ASIC2: variants seen among roughly 807,000 people sequenced by gnomAD.
ASIC2 encodes the protein acid-sensing ion channel 2.
Under a neutral mutation model 57.3 loss-of-function variants are expected in ASIC2, and 25 were observed. The ratio of observed to expected loss-of-function variants is 0.44; its 90% CI spans 0.32 to 0.61. The LOEUF (loss-of-function observed/expected upper bound fraction) is 0.61. Ranked by LOEUF, ASIC2 falls within the 20% of genes least tolerant of loss-of-function variation. The probability of loss-of-function intolerance (pLI) is 0.06; values close to 1 mark genes in which losing one functional copy is unlikely to be tolerated. For missense variants in ASIC2, 641 were observed against 738.1 expected (o/e 0.87, Z 1.52); for synonymous variants, 319 against 307.5 (o/e 1.04, Z -0.39).
chr17:33,191,516 G>A (rs1351163271), intron 1 of ASIC2, among the ~76,000 whole-genome samples: 3 of 151,234 alleles, frequency 2.0e-5, no homozygotes, highest in African/African-American at 7.4e-5. Context: ...GCCATAAAAT[G>A]TTAAAAGAAG....
At chr17:33,507,314 C>T (rs1414704216) in intron 1 of ASIC2, among the ~76,000 whole-genome samples, 4 of 152,202 alleles carry the variant, frequency 2.6e-5, no homozygotes, top group Admixed American at 6.5e-5. Context: ...CAGAGACAGC[C>T]GCAGCTTGGC....
At chr17:33,464,657 T>TTC (rs1456344272) in intron 1 of ASIC2, among the ~76,000 whole-genome samples, 1 of 90,984 alleles carries the variant, frequency 1.1e-5, no homozygotes, top group African/African-American at 4.1e-5. Context: ...CCTTTCTTCC[T>TTC]TCTCTCTCTC....
chr17:33,754,864 A>G (rs1031329843), intron 1 of ASIC2, among the ~76,000 whole-genome samples: 1 of 148,762 alleles, frequency 6.7e-6, no homozygotes, highest in Admixed American at 6.8e-5. Context: ...AGGCTGAGGC[A>G]GGAGAATGGT....
At chr17:33,390,746 G>A (rs965168743) in intron 1 of ASIC2, among the ~76,000 whole-genome samples, 1 of 152,238 alleles carries the variant, frequency 6.6e-6, no homozygotes, top group Admixed American at 6.5e-5. Context: ...CTCAGAATGC[G>A]TCAGAGCGCA....
At chr17:33,818,760 G>A (rs2141891494) in intron 1 of ASIC2, among the ~76,000 whole-genome samples, 1 of 152,278 alleles carries the variant, frequency 6.6e-6, no homozygotes, top group South Asian at 2.1e-4. Context: ...TTTTTTGTAG[G>A]CATTTCTTAA....
intron 1 of ASIC2, among the ~76,000 whole-genome samples, chr17:33,168,805 T>C (rs956631621): frequency 3.3e-5 from 5 of 152,018 alleles, no homozygotes; most frequent in African/African-American, 1.2e-4. Context: ...GAAAGCAAAG[T>C]GAAAAGATTT....
chr17:33,844,846 T>C (rs1435305391), intron 1 of ASIC2, among the ~76,000 whole-genome samples: 6 of 152,202 alleles, frequency 3.9e-5, no homozygotes. Context: ...ATAATATATT[T>C]ATATAAATTT....
intron 1 of ASIC2, among the ~76,000 whole-genome samples, chr17:33,306,000 T>C (rs377564606): frequency 6.6e-6 from 1 of 152,288 alleles, no homozygotes; most frequent in African/African-American, 2.4e-5. Context: ...TTGCAGCCAG[T>C]TGGGTTATGT....
rs974366711 is a variant in ASIC2 at position 34,037,386 on chromosome 17, C to T, written c.555+118592G>A. ...AGCAGCCACACACAGTGGCCGTTGA[C>T]GCTGGAACCTCGGGCGGGGCCTTTT... On this transcript the variant is annotated intron_variant, in intron 1 of 9. Coordinates refer to the ASIC2 transcript ENST00000359872. 38 of 464,210 alleles carry T rather than the reference C, an allele frequency of 8.2e-5. No individual in the cohort carries two copies. In the Admixed American group the frequency reaches 1.3e-3, roughly 15 times the overall value. 28.8% of individuals were successfully genotyped at this position (464,210 alleles called of 1,614,324 possible).
chr17:33,172,388 A>T (rs1457617161), intron 1 of ASIC2, among the ~76,000 whole-genome samples: 1 of 152,210 alleles, frequency 6.6e-6, no homozygotes, highest in Non-Finnish European at 1.5e-5. Flanking sequence ...GCTATGCCAA[A>T]ATTAAAGCCC....
intron 1 of ASIC2, among the ~76,000 whole-genome samples, chr17:33,956,722 C>G (rs958390585): frequency 6.6e-6 from 1 of 152,200 alleles, no homozygotes; most frequent in Non-Finnish European, 1.5e-5. Context: ...CTGCCCCTAC[C>G]CCAGAATGCA....
chr17:33,584,842 C>G (rs1452729707), intron 1 of ASIC2, among the ~76,000 whole-genome samples: 1 of 152,022 alleles, frequency 6.6e-6, no homozygotes, highest in Non-Finnish European at 1.5e-5. Flanking sequence ...CAGGAACTGC[C>G]TGGCAAGAAA....
chr17:33,809,280 T>C (rs150869676), intron 1 of ASIC2, among the ~76,000 whole-genome samples: 1 of 152,330 alleles, frequency 6.6e-6, no homozygotes, highest in African/African-American at 2.4e-5. Context: ...CCCTACTTCA[T>C]GTCTGAACCC....
At chr17:33,891,362 T>G (rs1447316538) in intron 1 of ASIC2, among the ~76,000 whole-genome samples, 1 of 152,128 alleles carries the variant, frequency 6.6e-6, no homozygotes, top group Non-Finnish European at 1.5e-5. Flanking sequence ...AGAAGCAAGC[T>G]TAGATAGCAT....
chr17:33,511,917 A>C (rs1187102908), intron 1 of ASIC2, among the ~76,000 whole-genome samples: 4 of 152,224 alleles, frequency 2.6e-5, no homozygotes, highest in Non-Finnish European at 4.4e-5. Context: ...GCTTCCAGGA[A>C]GCAGCTCATG....
chr17:33,290,267 T>C (rs1481273417), intron 1 of ASIC2, among the ~76,000 whole-genome samples: 2 of 152,230 alleles, frequency 1.3e-5, no homozygotes, highest in African/African-American at 4.8e-5. Context: ...GTGGCATCTC[T>C]TTACCATCCC....
chr17:33,725,584 A>G (rs1044020513), intron 1 of ASIC2, among the ~76,000 whole-genome samples: 2 of 152,042 alleles, frequency 1.3e-5, no homozygotes, highest in African/African-American at 4.8e-5. Context: ...GGTCAAGATC[A>G]CGTGAAATAC....
At chr17:33,506,970 T>G (rs1914283086) in intron 1 of ASIC2, among the ~76,000 whole-genome samples, 1 of 152,102 alleles carries the variant, frequency 6.6e-6, no homozygotes, top group African/African-American at 2.4e-5. Flanking sequence ...CTTCAGGAAA[T>G]GAGAGCAGAG....
intron 1 of ASIC2, among the ~76,000 whole-genome samples, chr17:33,782,175 A>G (rs545720575): frequency 1.4e-4 from 21 of 152,298 alleles, no homozygotes; most frequent in Admixed American, 1.2e-3. Flanking sequence ...AGTCCAATTT[A>G]TACATTTTTT....
Sources: gnomAD v4.1 joint callset for allele counts (sites outside exome capture counted in the v4.1 genomes callset) on GRCh38, gnomAD v4.1.1 for gene constraint, MANE v1.5 for transcripts, NCBI Gene and HGNC (gene_info 2026-07-23, HGNC 2026-07-21) for gene names.